The following SPTB variants were observed in gnomAD, a reference collection of about 807,000 sequenced individuals.
SPTB encodes spectrin beta chain, erythrocytic.
SPTB carries 45 observed loss-of-function variants against 256.2 expected under a neutral mutation model. That is an observed-to-expected ratio of 0.18 (90% confidence interval 0.14 to 0.23). The LOEUF is 0.23. Among genes scored for constraint, SPTB ranks in the 10% least tolerant of loss-of-function variants. The pLI is 1.00. For missense variants in SPTB, 2,715 were observed against 3,040.4 expected, an observed-to-expected ratio of 0.89 and a Z score of 2.52; for synonymous variants, 1,231 against 1,243.1, an observed-to-expected ratio of 0.99 and a Z score of 0.21.
chr14:64,849,141 T>A (rs1489349307), intron 1 of SPTB, among the ~76,000 whole-genome samples: 1 of 152,256 alleles, frequency 6.6e-6, no homozygotes, highest in African/African-American at 2.4e-5. Flanking sequence ...TCATTAGTTT[T>A]GCTGCAAAAA....
Position 64,802,730 on chromosome 14 carries a change from A to G in SPTB, c.475-413T>C, listed in dbSNP as rs981671240. ...CTCAAGGAGTAGCCGCCAGCCCCGC[A>G]GCAACACCACATCCTGAGGCCCTGT... On this transcript the variant is annotated intron_variant, in intron 4 of 35. Coordinates refer to ENST00000644917, the MANE Select transcript of SPTB (RefSeq NM_001355436.2). The surrounding 1 kb of genome is among the most constrained non-coding windows in gnomAD (Gnocchi z 5.1). Among the ~76,000 whole-genome samples, 8 of 152,208 alleles carry G rather than the reference A, an allele frequency of 5.3e-5. No homozygotes were observed. The highest frequency in any genetic ancestry group is 1.9e-4 in the African/African-American group (8 of 41,462).
chr14:64,846,230 C>T (rs560094943), intron 1 of SPTB, among the ~76,000 whole-genome samples: 2 of 152,284 alleles, frequency 1.3e-5, no homozygotes, highest in African/African-American at 4.8e-5. Context: ...AAACTCTGCC[C>T]CAGAAGTAGA....
chr14:64,814,905 TGAA>T (rs951522644), intron 2 of SPTB, among the ~76,000 whole-genome samples: 1 of 152,262 alleles, frequency 6.6e-6, no homozygotes, highest in African/African-American at 2.4e-5. Context: ...TTTTTATTTT[TGAA>T]GAAGGCTAGT....
chr14:64,822,374 T>A (rs170686), intron 2 of SPTB, among the ~76,000 whole-genome samples: 911 of 1,076 alleles, frequency 0.85, 399 homozygotes, highest in Non-Finnish European at 0.89. Context: ...TCTCTCTCTC[T>A]CACACACACA....
chr14:64,776,081 T>C (rs2082351797), intron 22 of SPTB, among the ~76,000 whole-genome samples: 1 of 152,182 alleles, frequency 6.6e-6, no homozygotes, highest in African/African-American at 2.4e-5. Context: ...CACGTGTTAC[T>C]TGTTTTCTGG....
At chr14:64,803,479 T>A in intron 4 of SPTB, 128 bp downstream of exon 4, 1 of 1,157,164 alleles carries the variant, frequency 8.6e-7, no homozygotes, top group Non-Finnish European at 1.3e-6. Context: ...CACTGTCCCA[T>A]GTGGCAGATT....
At chr14:64,869,347 G>T (rs1245859279) in intron 1 of SPTB, among the ~76,000 whole-genome samples, 1 of 152,178 alleles carries the variant, frequency 6.6e-6, no homozygotes. Context: ...TTAGTTACGT[G>T]TAATTTCAAA....
Position 64,747,386 on chromosome 14 carries a change from G to A in SPTB, c.*1920C>T, listed in dbSNP as rs1461257087. ...GTGAGTGCAGTCACCTCACTGCCTT[G>A]GTTTCCCCAGATACAGAAAGAGGCT... is the stretch of plus-strand genomic sequence containing the variant. On this transcript the variant is annotated 3_prime_UTR_variant, in exon 36 of 36. Coordinates refer to ENST00000644917, the MANE Select transcript of SPTB (RefSeq NM_001355436.2). The A allele has an allele frequency of 6.5e-6, 1 of 152,672 alleles. No individual in the cohort carries two copies. Among genetic ancestry groups the A allele is most frequent in the African/African-American group, 2.4e-5 (1 of 41,462 alleles). The allele number at this position is 152,672 out of a possible 1,614,324, so 9.5% of individuals were successfully genotyped here. A position where few individuals can be genotyped will look rare whatever the true frequency, so the allele number is the denominator to read the frequency against.
chr14:64,755,304 G>A (rs2082004844), intron 32 of SPTB: 1 of 152,206 alleles, frequency 6.6e-6, no homozygotes, highest in Non-Finnish European at 1.5e-5. Context: ...CAACTGGGCA[G>A]ACTTTTTATC....
At chr14:64,858,866 A>G (rs2083914673) in intron 1 of SPTB, among the ~76,000 whole-genome samples, 1 of 152,114 alleles carries the variant, frequency 6.6e-6, no homozygotes, top group South Asian at 2.1e-4. Flanking sequence ...GCTTAAACAG[A>G]CTATGCACCT....
chr14:64,795,595 C>T lies in SPTB; in HGVS notation c.1386G>A (p.Lys462=). 6.2e-7 allele frequency: 1 copy of T among 1,614,096 alleles called. No homozygotes were observed. Among genetic ancestry groups the T allele is most frequent in the Non-Finnish European group, 8.5e-7 (1 of 1,180,012 alleles). ...TGTCGGTCTCGATGGCCTCATGCTT[C>T]TTCTTGGCGGCCTCCACAGCTGCCA... ...YDLAAVEAAK[K]KHEAIETDTA... The change falls in exon 12 of 36, where the codon AAG becomes AAA. Residue 462 remains lysine, a synonymous_variant. Transcript: ENST00000644917. The surrounding 1 kb of genome is among the most constrained non-coding windows in gnomAD (Gnocchi z 6.5).
chr14:64,862,256 G>C (rs1324704726), intron 1 of SPTB, among the ~76,000 whole-genome samples: 2 of 152,064 alleles, frequency 1.3e-5, no homozygotes, highest in Non-Finnish European at 2.9e-5. Flanking sequence ...ACCTGAGCTA[G>C]AAAACTCCAG....
Position 64,772,332 on chromosome 14 carries a change from A to G in SPTB, c.5553+248T>C, listed in dbSNP as rs2082289288. 6.6e-6 allele frequency among the ~76,000 whole-genome samples: 1 copy of G among 152,246 alleles called. No individual in the cohort carries two copies. ...GTGTGTCCACTAATAGTACTGCACA[A>G]CTGGAGAAACTGCAACCGTATAGTA... On this transcript the variant is annotated intron_variant, in intron 26 of 35. Transcript: ENST00000644917. The surrounding 1 kb of genome is among the most constrained non-coding windows in gnomAD (Gnocchi z 5.4).
chr14:64,810,518 A>G lies in SPTB; in HGVS notation c.149-5428T>C, dbSNP rs1043229279. Among the ~76,000 whole-genome samples, 17 of 152,290 alleles carry G rather than the reference A, an allele frequency of 1.1e-4. 1 individual carries two copies. In the East Asian group the frequency reaches 3.3e-3, roughly 29 times the overall value. ...AATATGATGAAACGCCGTCTCTACT[A>G]AAAATATAAAAATTAGCCGGGCATG... On this transcript the variant is annotated intron_variant, in intron 2 of 35. Coordinates refer to ENST00000644917, the MANE Select transcript of SPTB (RefSeq NM_001355436.2).
At chr14:64,794,380 CAGG>C in intron 13 of SPTB, 84 bp downstream of exon 13, 1 of 1,551,176 alleles carries the variant, frequency 6.4e-7, no homozygotes. Flanking sequence ...AAGTTGGTTC[CAGG>C]AGATTTATCC....
In SPTB at chr14:64,852,465, G is replaced by T. The variant is rs533487945; in HGVS notation, c.-52+27327C>A. ...CTTGCCTTCTAGAAAGATCCCTTTG[G>T]CAGGCATATGGAGTGATGGATTCAA... On this transcript the variant is annotated intron_variant, in intron 1 of 35. Transcript: ENST00000644917. This position sits in a 1 kb window ranked among gnomAD's most constrained non-coding sequence, Gnocchi z 4.2. Among the ~76,000 whole-genome samples the T allele has an allele frequency of 6.6e-6, 1 of 152,274 alleles. No individual in the cohort carries two copies. Among genetic ancestry groups the T allele is most frequent in the African/African-American group, 2.4e-5 (1 of 41,550 alleles).
chr14:64,766,508 G>C (rs1335086137), intron 32 of SPTB: 4 of 1,464,688 alleles, frequency 2.7e-6, no homozygotes, highest in Non-Finnish European at 3.6e-6. Context: ...TTTCCTCTGC[G>C]CTGTGGGGAG....
Position 64,770,774 on chromosome 14 carries a change from C to T in SPTB, c.5798+111G>A, listed in dbSNP as rs186728642. ...GTGTCCCCCAGGGATTTTCATGGAA[C>T]GATAGTCCAGGACTGTCCCTTCACG... On this transcript the variant is annotated intron_variant, in intron 27 of 35. Transcript: ENST00000644917. The T allele has an allele frequency of 1.5e-3, 2,257 of 1,528,908 alleles. 13 individuals carry two copies. The highest frequency in any genetic ancestry group is 1.6e-3 in the Non-Finnish European group (1,825 of 1,109,928). The allele number at this position is 1,528,908 out of a possible 1,614,324, so 94.7% of individuals were successfully genotyped here. A position where few individuals can be genotyped will look rare whatever the true frequency, so the allele number is the denominator to read the frequency against.
At position 64,800,883 on chromosome 14, in the gene SPTB, G is replaced by C; in HGVS notation, c.764-15C>G. The stretch of plus-strand genomic sequence containing the variant: ...CGTAAAGACATCTGTTAGGGAAAAG[G>C]GTGTACTCTCAGGACCAAACTGGAA... On this transcript the variant is annotated splice_polypyrimidine_tract_variant and intron_variant, in intron 7 of 35. Coordinates refer to ENST00000644917, the MANE Select transcript of SPTB (RefSeq NM_001355436.2). The C allele has an allele frequency of 2.5e-6, 4 of 1,603,422 alleles. No individual in the cohort carries two copies. The highest frequency in any genetic ancestry group is 2.6e-6 in the Non-Finnish European group (3 of 1,171,984).
Sources: gnomAD v4.1 joint callset for allele counts (sites outside exome capture counted in the v4.1 genomes callset) on GRCh38, gnomAD v4.1.1 for gene constraint, Gnocchi (gnomAD v3.1) non-coding constraint, MANE v1.5 for transcripts, NCBI Gene and HGNC (gene_info 2026-07-23, HGNC 2026-07-21) for gene names.